The following MIB1 variants were observed in gnomAD, a reference collection of about 807,000 sequenced individuals.
MIB1 encodes the protein MIB E3 ubiquitin protein ligase 1.
In MIB1, 278 loss-of-function variants were observed where a neutral mutation model predicts 124.5. That is an observed-to-expected ratio of 2.23 (90% confidence interval 2.02 to 2.47). The LOEUF is 2.47. MIB1 is among the 30% of genes most tolerant of loss of function. MIB1 has a pLI of 0.00. For synonymous variants in MIB1, 446 were observed against 429.4 expected (o/e 1.04, Z -0.48); for missense variants, 957 against 1,254.4 (o/e 0.76, Z 3.58).
chr18:21,713,979 TAGG>T (rs1568174275), intron 1 of MIB1, among the ~76,000 whole-genome samples: 1 of 152,204 alleles, frequency 6.6e-6, no homozygotes, highest in Non-Finnish European at 1.5e-5. Flanking sequence ...AAATTTTTAA[TAGG>T]AGCACAAACA....
At chr18:21,706,510 T>C (rs1163948692) in intron 1 of MIB1, among the ~76,000 whole-genome samples, 3 of 151,870 alleles carry the variant, frequency 2.0e-5, no homozygotes, top group African/African-American at 2.4e-5. Flanking sequence ...CAGGGAGGTG[T>C]GGAGAGAGAG....
At chr18:21,846,024 T>C (rs2042131731) in intron 15 of MIB1, among the ~76,000 whole-genome samples, 1 of 152,228 alleles carries the variant, frequency 6.6e-6, no homozygotes, top group African/African-American at 2.4e-5. Context: ...TTCTGTTCTG[T>C]TGGTCTATGT....
intron 12 of MIB1, chr18:21,828,312 GAATT>G (rs2041945905): frequency 6.6e-6 from 1 of 151,886 alleles, no homozygotes; most frequent in Non-Finnish European, 1.5e-5. Flanking sequence ...CTGTGGACCA[GAATT>G]TTGTCATTTT....
chr18:21,859,886 CAAAAAAA>C (rs934260189), intron 20 of MIB1, among the ~76,000 whole-genome samples: 572 of 28,372 alleles, frequency 0.02, 8 homozygotes, highest in African/African-American at 0.069. Context: ...GAGACTGTCT[CAAAAAAA>C]AAAAAAAAAA....
At position 21,799,953 on chromosome 18, in the gene MIB1, G is replaced by A. The variant is rs2041631892; in HGVS notation, c.1350G>A (p.Leu450=). 6.2e-7 allele frequency: 1 copy of A among 1,611,648 alleles called. No individual in the cohort carries two copies. The highest frequency in any genetic ancestry group is 1.1e-5 in the South Asian group (1 of 90,858). The change falls in exon 9 of 21, where the codon TTG becomes TTA. Residue 450 remains leucine, a synonymous_variant. Coordinates refer to ENST00000261537, the MANE Select transcript of MIB1 (RefSeq NM_020774.4). ...ANGDVAKVED[L]LKRPDVDVNG... is the part of the protein sequence containing the mutation. ...GAGATGTTGCTAAAGTGGAAGATTT[G>A]CTTAAAAGACCAGATGTGGATGTGA...
intron 6 of MIB1, among the ~76,000 whole-genome samples, 181 bp downstream of exon 6, chr18:21,779,866 G>A (rs576374050): frequency 4.7e-4 from 33 of 70,542 alleles, no homozygotes; most frequent in Admixed American, 3.0e-3. Context: ...AATTACGTGT[G>A]TGTGTGTGTG....
chr18:21,763,031 G>A (rs2041115192), intron 1 of MIB1, among the ~76,000 whole-genome samples: 1 of 150,554 alleles, frequency 6.6e-6, no homozygotes, highest in Non-Finnish European at 1.5e-5. Flanking sequence ...TTGCTTTAAA[G>A]TTTTTGAAAG....
In MIB1 at chr18:21,773,715, G is replaced by T; in HGVS notation, c.623G>T (p.Gly208Val). 1 of 1,598,294 alleles carries T rather than the reference G, an allele frequency of 6.3e-7. No individual in the cohort carries two copies. Among genetic ancestry groups the T allele is most frequent in the Non-Finnish European group, 8.5e-7 (1 of 1,173,858 alleles). The change falls in exon 4 of 21, where the codon GGC (glycine) becomes GTC (valine). Residue 208 changes from glycine (G) to valine (V), a missense_variant. Physicochemically the swap from Gly to Val is moderately radical, Grantham distance 109. Coordinates refer to ENST00000261537, the MANE Select transcript of MIB1 (RefSeq NM_020774.4). ...DNGAKNLYRV[G>V]FEGMSDLKCV... ...GGTGCTAAGAACCTTTACAGAGTTG[G>T]CTTTGAGGGCATGGTAAGTAGTGAA...
At chr18:21,843,328 T>A in intron 14 of MIB1, 111 bp downstream of exon 14, 1 of 644,614 alleles carries the variant, frequency 1.6e-6, no homozygotes, top group Non-Finnish European at 2.5e-6. Flanking sequence ...GCTGGCATAG[T>A]TAGATATAAG....
At chr18:21,745,152 GATAAGTTGTATGA>G (rs1048586714) in intron 1 of MIB1, among the ~76,000 whole-genome samples, 1 of 152,236 alleles carries the variant, frequency 6.6e-6, no homozygotes, top group African/African-American at 2.4e-5. Flanking sequence ...CAGGAGACTG[GATAAGTTGTATGA>G]ATTTGTATAG....
chr18:21,741,744 A>G lies in MIB1; in HGVS notation c.161A>G (p.Asn54Ser). The G allele has an allele frequency of 1.2e-6, 2 of 1,611,314 alleles. No individual in the cohort carries two copies. The highest frequency in any genetic ancestry group is 1.3e-5 in the African/African-American group (1 of 75,012). Residue 54 changes from asparagine to serine, a missense_variant, in exon 1 of 21, where the codon AAC (asparagine) becomes AGC (serine). Asn to Ser is a conservative substitution (Grantham distance 46). Transcript: ENST00000261537. The surrounding 1 kb of genome is among the most constrained non-coding windows in gnomAD (Gnocchi z 5.4). Reference sequence around the variant, plus strand: ...GAGGAGGTGGTGGTAGTGTGGGACAACGGCACAGCTGCCAACTACCGCTGC... The same window carrying G: ...GAGGAGGTGGTGGTAGTGTGGGACAGCGGCACAGCTGCCAACTACCGCTGC... ...SPEEVVVVWD[N>S]GTAANYRCSG...
Position 21,799,645 on chromosome 18 carries a change from A to T in MIB1, c.1238-196A>T, listed in dbSNP as rs1399084093. 2.0e-5 allele frequency among the ~76,000 whole-genome samples: 3 copies of T among 152,036 alleles called. No homozygotes were observed. In the East Asian group the frequency reaches 5.8e-4, roughly 29 times the overall value. ...ATTTGATATACATGAATTGGAGAAA[A>T]CTTGGAATACTTAAGGGCTTGCATT... On this transcript the variant is annotated intron_variant, in intron 8 of 20. Transcript: ENST00000261537.
Position 21,844,166 on chromosome 18 carries a change from G to C in MIB1, c.2124G>C (p.Arg708Ser). The C allele has an allele frequency of 6.2e-7, 1 of 1,614,062 alleles. No individual in the cohort carries two copies. Among genetic ancestry groups the C allele is most frequent in the Non-Finnish European group, 8.5e-7 (1 of 1,179,986 alleles). The change falls in exon 15 of 21, where the codon AGG (arginine) becomes AGC (serine). Residue 708 changes from arginine to serine, a missense_variant. Physicochemically the swap from Arg to Ser is moderately radical, Grantham distance 110. Transcript: ENST00000261537. ...DGDTPLHEAL[R>S]HHTLSQLRQL... is the part of the protein sequence containing the mutation. ...ATACTCCTTTGCATGAAGCTCTAAG[G>C]CATCACACTTTGTCTCAGCTACGTC...
chr18:21,842,041 A>G (rs1261985859), intron 13 of MIB1, among the ~76,000 whole-genome samples: 1 of 128,192 alleles, frequency 7.8e-6, no homozygotes, highest in African/African-American at 2.9e-5. Context: ...GGCTGCAGTG[A>G]GCTATGTGCC....
At chr18:21,859,902 A>G (rs2042260468) in intron 20 of MIB1, among the ~76,000 whole-genome samples, 1 of 149,054 alleles carries the variant, frequency 6.7e-6, no homozygotes, top group Non-Finnish European at 1.5e-5. Flanking sequence ...AAAAAAAAAA[A>G]AAAAAAAAAG....
chr18:21,819,451 G>C, intron 11 of MIB1, 44 bp from the exon 12 acceptor site: 1 of 1,264,524 alleles, frequency 7.9e-7, no homozygotes, highest in Non-Finnish European at 1.1e-6. Flanking sequence ...TATTAGATGG[G>C]ATAATTAATT....
chr18:21,828,504 TATTA>T (rs1435396573), intron 12 of MIB1: 1 of 151,980 alleles, frequency 6.6e-6, no homozygotes, highest in Non-Finnish European at 1.5e-5. Flanking sequence ...ATTCCTCTAA[TATTA>T]ATTATACATT....
chr18:21,766,053 C>G, intron 2 of MIB1, 110 bp downstream of exon 2: 1 of 1,025,462 alleles, frequency 9.8e-7, no homozygotes, highest in Non-Finnish European at 1.5e-6. Context: ...AGTTGGTTTA[C>G]TAACAGGAGG....
At chr18:21,710,381 A>G (rs539289600) in intron 1 of MIB1, among the ~76,000 whole-genome samples, 13 of 152,274 alleles carry the variant, frequency 8.5e-5, no homozygotes, top group Middle Eastern at 6.8e-3. Context: ...GGCGTGAGCC[A>G]CTGCACCTGG....
Sources: allele counts gnomAD v4.1 joint callset (sites outside exome capture counted in the v4.1 genomes callset), GRCh38; gene constraint gnomAD v4.1.1; non-coding constraint Gnocchi (gnomAD v3.1); transcripts MANE v1.5; gene names NCBI Gene and HGNC (gene_info 2026-07-23, HGNC 2026-07-21).